ZCCHC24: variants seen among roughly 807,000 people sequenced by gnomAD.
ZCCHC24 encodes the protein zinc finger CCHC-type containing 24.
In ZCCHC24, 10 loss-of-function variants were observed where a neutral mutation model predicts 26.2. The ratio of observed to expected loss-of-function variants is 0.38; its 90% CI spans 0.24 to 0.65. The LOEUF (loss-of-function observed/expected upper bound fraction) is 0.65. ZCCHC24 is among the 30% of genes least tolerant of loss of function. The pLI, the probability that ZCCHC24 is intolerant of heterozygous loss-of-function variation, is 0.54. For missense variants in ZCCHC24, 243 were observed against 329.1 expected, an observed-to-expected ratio of 0.74 and a Z score of 2.03; for synonymous variants, 144 against 147.1, an observed-to-expected ratio of 0.98 and a Z score of 0.15.
rs887606055 is a variant in ZCCHC24 at position 79,385,850 on chromosome 10, C to T, written c.*495G>A. The T allele has an allele frequency of 1.7e-4, 47 of 269,680 alleles. 1 individual carries two copies. Among genetic ancestry groups the T allele is most frequent in the Non-Finnish European group, 5.6e-5 (8 of 142,926 alleles). The allele number at this position is 269,680 out of a possible 1,614,324, so 16.7% of individuals were successfully genotyped here. ...CAGCCGCTGTTGGAACACATGTCCCCTTGCCACGATTGCTGACTCAGGAAA... is the reference window on the plus strand; with the variant it reads ...CAGCCGCTGTTGGAACACATGTCCCTTTGCCACGATTGCTGACTCAGGAAA... On this transcript the variant is annotated 3_prime_UTR_variant, in exon 4 of 4. Transcript: ENST00000372336. The surrounding 1 kb of genome is among the most constrained non-coding windows in gnomAD (Gnocchi z 4.3).
chr10:79,386,205 C>T lies in ZCCHC24; in HGVS notation c.*140G>A. On this transcript the variant is annotated 3_prime_UTR_variant, in exon 4 of 4. Coordinates refer to ENST00000372336, the MANE Select transcript of ZCCHC24 (RefSeq NM_153367.4). ...TGTCAACACACACAAGACAAGGACG[C>T]TAAGAGCCCCCGGCCCAGCCCCGCA... 1 of 708,098 alleles carries T rather than the reference C, an allele frequency of 1.4e-6. No homozygotes were observed. The highest frequency in any genetic ancestry group is 1.7e-5 in the South Asian group (1 of 60,154). 43.9% of individuals were successfully genotyped at this position (708,098 alleles called of 1,614,324 possible).
At chr10:79,441,852 G>C (rs976535473) in intron 1 of ZCCHC24, among the ~76,000 whole-genome samples, 1 of 152,216 alleles carries the variant, frequency 6.6e-6, no homozygotes, top group Non-Finnish European at 1.5e-5. Flanking sequence ...TGAATGGAGT[G>C]AGACAGCCAC....
In ZCCHC24 at chr10:79,437,366, G is replaced by C. The variant is rs565929314; in HGVS notation, c.247-4608C>G. On this transcript the variant is annotated intron_variant, in intron 1 of 3. Coordinates refer to ENST00000372336, the MANE Select transcript of ZCCHC24 (RefSeq NM_153367.4). ...CCGTGCTCGGCCTGTGGTTTACTCT[G>C]ATCATGCGGTGTGTCATATATTTGA... Among the ~76,000 whole-genome samples the C allele has an allele frequency of 1.3e-4, 20 of 152,292 alleles. No individual in the cohort carries two copies. The East Asian group carries it at 3.9e-3, about 29-fold the overall frequency.
intron 2 of ZCCHC24, among the ~76,000 whole-genome samples, chr10:79,401,387 C>T (rs571416227): frequency 2.0e-5 from 3 of 152,352 alleles, no homozygotes; most frequent in East Asian, 1.9e-4. Flanking sequence ...GAGCTAAGTA[C>T]GGTTAGTCCC....
chr10:79,390,929 AC>A (rs1395412606), intron 3 of ZCCHC24, among the ~76,000 whole-genome samples: 3 of 152,252 alleles, frequency 2.0e-5, no homozygotes, highest in Non-Finnish European at 4.4e-5. Context: ...CATGGGGAGC[AC>A]CGCCGCTGGG....
chr10:79,421,652 G>C (rs1216551183), intron 2 of ZCCHC24, among the ~76,000 whole-genome samples: 1 of 151,988 alleles, frequency 6.6e-6, no homozygotes, highest in African/African-American at 2.4e-5. Flanking sequence ...TAGAAATGGA[G>C]TTTCGCTCTT....
At chr10:79,433,176 C>T (rs1007699679) in intron 1 of ZCCHC24, among the ~76,000 whole-genome samples, 9 of 152,226 alleles carry the variant, frequency 5.9e-5, no homozygotes, top group Admixed American at 1.3e-4. Flanking sequence ...ATTTGGGGCT[C>T]TGCCACTAAC....
chr10:79,436,392 A>G (rs905657307), intron 1 of ZCCHC24, among the ~76,000 whole-genome samples: 1 of 152,184 alleles, frequency 6.6e-6, no homozygotes, highest in Admixed American at 6.5e-5. Flanking sequence ...TGAAAAGCAC[A>G]GATCCAGGTG....
Position 79,386,070 on chromosome 10 carries a change from C to T in ZCCHC24, c.*275G>A, listed in dbSNP as rs1310319108. On this transcript the variant is annotated 3_prime_UTR_variant, in exon 4 of 4. Transcript: ENST00000372336. ...GACACCCAGGGCTCCTGGACATGGG[C>T]TTTTGCTTGCCTTTGTCCCCTCCAC... 5.5e-6 allele frequency: 3 copies of T among 549,872 alleles called. No individual in the cohort carries two copies. The Admixed American group carries it at 9.1e-5, about 17-fold the overall frequency. The allele number at this position is 549,872 out of a possible 1,614,324, so 34.1% of individuals were successfully genotyped here.
intron 2 of ZCCHC24, among the ~76,000 whole-genome samples, chr10:79,419,755 T>A (rs573913152): frequency 6.6e-5 from 10 of 152,254 alleles, no homozygotes; most frequent in Middle Eastern, 6.8e-3. Context: ...AGGATGCACT[T>A]GCTGTGCTCC....
chr10:79,441,060 G>A (rs934773483), intron 1 of ZCCHC24, among the ~76,000 whole-genome samples: 3 of 135,736 alleles, frequency 2.2e-5, no homozygotes, highest in African/African-American at 9.2e-5. Context: ...TTACTCTCAG[G>A]CCCTGGAGCT....
intron 2 of ZCCHC24, among the ~76,000 whole-genome samples, chr10:79,421,761 G>A (rs2132205881): frequency 1.3e-5 from 2 of 152,136 alleles, no homozygotes; most frequent in South Asian, 4.2e-4. Flanking sequence ...CAAGTAACTG[G>A]GATTATAGGT....
At chr10:79,430,686 C>CCA (rs71030975) in intron 2 of ZCCHC24, among the ~76,000 whole-genome samples, 27,544 of 140,628 alleles carry the variant, frequency 0.2, 2,616 homozygotes, top group Non-Finnish European at 0.23. Context: ...CACACACACA[C>CCA]CACACACACA....
At chr10:79,443,778 G>A (rs113795815) in intron 1 of ZCCHC24, among the ~76,000 whole-genome samples, 5 of 152,346 alleles carry the variant, frequency 3.3e-5, no homozygotes, top group African/African-American at 1.2e-4. Flanking sequence ...CATTCCTCAC[G>A]TGGAGAGAAT....
chr10:79,444,151 C>CG, intron 1 of ZCCHC24: 1 of 1,545,388 alleles, frequency 6.5e-7, no homozygotes, highest in Non-Finnish European at 8.7e-7. Flanking sequence ...TGTCCTCCCC[C>CG]GAACACACCT....
chr10:79,398,905 G>A (rs1463126134), intron 2 of ZCCHC24, among the ~76,000 whole-genome samples: 2 of 152,190 alleles, frequency 1.3e-5, no homozygotes, highest in Admixed American at 6.5e-5. Flanking sequence ...ACTTGCCAAA[G>A]TGCTTCCAGT....
At position 79,418,269 on chromosome 10, in the gene ZCCHC24, G is replaced by GA. The variant is rs546092926; in HGVS notation, c.447+14288dup. On this transcript the variant is annotated intron_variant, in intron 2 of 3. Transcript: ENST00000372336. ...TCTGGATCTCACAGAAGCCCTGAGA[G>GA]ACAGGCTTCATTGCTGATGCCACTT... is the stretch of plus-strand genomic sequence containing the variant. Among the ~76,000 whole-genome samples, 15 of 152,354 alleles carry GA rather than the reference G, an allele frequency of 9.8e-5. No individual in the cohort carries two copies. In the East Asian group the frequency reaches 2.9e-3, roughly 29 times the overall value.
Position 79,384,600 on chromosome 10 carries a change from C to G in ZCCHC24, c.*1745G>C, listed in dbSNP as rs984288760. On this transcript the variant is annotated 3_prime_UTR_variant, in exon 4 of 4. Coordinates refer to ENST00000372336, the MANE Select transcript of ZCCHC24 (RefSeq NM_153367.4). Reference sequence around the variant, plus strand: ...GGAGCAAATACCTTTTTTAAGTGCTCAGAGGGTATGGCCCCTCAAATCCAC... The same window carrying G: ...GGAGCAAATACCTTTTTTAAGTGCTGAGAGGGTATGGCCCCTCAAATCCAC... 27 of 152,612 alleles carry G rather than the reference C, an allele frequency of 1.8e-4. No homozygotes were observed. Among genetic ancestry groups the G allele is most frequent in the Admixed American group, 1.6e-3 (25 of 15,292 alleles). 9.5% of individuals were successfully genotyped at this position (152,612 alleles called of 1,614,324 possible). A position where few individuals can be genotyped will look rare whatever the true frequency, so the allele number is the denominator to read the frequency against.
intron 2 of ZCCHC24, among the ~76,000 whole-genome samples, chr10:79,400,691 A>C (rs1589662710): frequency 6.6e-6 from 1 of 152,226 alleles, no homozygotes; most frequent in African/African-American, 2.4e-5. Context: ...GGTGACAGAA[A>C]CCCCACAGAG....
Sources: gnomAD v4.1 joint callset for allele counts (sites outside exome capture counted in the v4.1 genomes callset) on GRCh38, gnomAD v4.1.1 for gene constraint, Gnocchi (gnomAD v3.1) non-coding constraint, MANE v1.5 for transcripts, NCBI Gene and HGNC (gene_info 2026-07-23, HGNC 2026-07-21) for gene names.